Variants in ZBTB46 observed in about 807,000 individuals in gnomAD.
ZBTB46 encodes zinc finger and BTB domain containing 46, also known as zinc finger and BTB domain-containing protein 46.
ZBTB46 carries 8 observed loss-of-function variants against 44.1 expected under a neutral mutation model. The ratio of observed to expected loss-of-function variants is 0.18; its 90% CI spans 0.11 to 0.33. ZBTB46 has a LOEUF of 0.33. Among genes scored for constraint, ZBTB46 ranks in the 10% least tolerant of loss-of-function variants. The pLI is 1.00. For missense variants in ZBTB46, 651 were observed against 847.7 expected, an observed-to-expected ratio of 0.77 and a Z score of 2.88; for synonymous variants, 409 against 382.3, an observed-to-expected ratio of 1.07 and a Z score of -0.81.
chr20:63,762,683 A>ACAAAC (rs201220490), intron 3 of ZBTB46, among the ~76,000 whole-genome samples: 11 of 146,964 alleles, frequency 7.5e-5, no homozygotes, highest in Non-Finnish European at 1.0e-4. Context: ...CAAACAAAAA[A>ACAAAC]AAAACCAACT....
chr20:63,790,400 C>T lies in ZBTB46; in HGVS notation c.358G>A (p.Ala120Thr). Residue 120 changes from alanine (A) to threonine (T), a missense_variant, in exon 2 of 5, where the codon GCC becomes ACC. By Grantham distance (58) the Ala-to-Thr change is moderately conservative (BLOSUM62 0). Around this residue, in one of 5 missense-constraint regions of ZBTB46, gnomAD observed 385 missense variants for 423.3 expected, o/e 0.91. Transcript: ENST00000245663. ...GCCGCCTTGATGAAGTCGTGGCAGG[C>T]TTGCACGATGTCCGTCATCTGCAGG... ...SFLQMTDIVQ[A>T]CHDFIKAALD... 6.2e-7 allele frequency: 1 copy of T among 1,613,046 alleles called. No homozygotes were observed. The highest frequency in any genetic ancestry group is 8.5e-7 in the Non-Finnish European group (1 of 1,179,970).
In ZBTB46 at chr20:63,803,426, C is replaced by A. The variant is rs1011714442; in HGVS notation, c.-33-12636G>T. 8 of 985,292 alleles carry A rather than the reference C, an allele frequency of 8.1e-6. No individual in the cohort carries two copies. Among genetic ancestry groups the A allele is most frequent in the Admixed American group, 1.2e-4 (2 of 16,266 alleles). The allele number at this position is 985,292 out of a possible 1,614,324, so 61.0% of individuals were successfully genotyped here. A position where few individuals can be genotyped will look rare whatever the true frequency, so the allele number is the denominator to read the frequency against. ...TGTTAGCAGAGTCGTCTTTCGACAG[C>A]GAGACCGGTGGTACTATCCACATCA... On this transcript the variant is annotated intron_variant, in intron 1 of 4. Coordinates refer to ENST00000245663, the MANE Select transcript of ZBTB46 (RefSeq NM_001369741.1). The surrounding 1 kb of genome is among the most constrained non-coding windows in gnomAD (Gnocchi z 4.0).
chr20:63,756,826 TGGA>T (rs754255228), intron 3 of ZBTB46, among the ~76,000 whole-genome samples: 4 of 152,238 alleles, frequency 2.6e-5, no homozygotes, highest in Non-Finnish European at 5.9e-5. Flanking sequence ...CACTGCTGCC[TGGA>T]GGAGGATGTG....
chr20:63,804,807 G>A (rs191641430), intron 1 of ZBTB46, among the ~76,000 whole-genome samples: 244 of 151,720 alleles, frequency 1.6e-3, no homozygotes, highest in African/African-American at 4.5e-3. Context: ...CAGGAGAATC[G>A]CTATAACCTG....
chr20:63,807,848 G>T (rs1421069573), intron 1 of ZBTB46, among the ~76,000 whole-genome samples: 1 of 152,270 alleles, frequency 6.6e-6, no homozygotes, highest in Non-Finnish European at 1.5e-5. Context: ...CCCAGAGCGG[G>T]GCTCGCCCGG....
In ZBTB46 at chr20:63,747,387, G is replaced by GA. The variant is rs1568823533; in HGVS notation, c.1399-87_1399-86insT. The GA allele has an allele frequency of 3.7e-3, 1,970 of 538,276 alleles. 446 individuals are homozygous for GA. The highest frequency in any genetic ancestry group is 4.5e-3 in the Non-Finnish European group (1,890 of 424,360). 33.3% of individuals were successfully genotyped at this position (538,276 alleles called of 1,614,324 possible). ...GAGCAGGGCCTGGTGGAGGTGGGGG[G>GA]GGCAGGTGGTGAGCAGGGCCAGGTG... On this transcript the variant is annotated intron_variant, in intron 4 of 4. Transcript: ENST00000245663.
intron 4 of ZBTB46, among the ~76,000 whole-genome samples, chr20:63,749,190 G>A (rs1050187718): frequency 1.3e-5 from 2 of 152,220 alleles, no homozygotes; most frequent in African/African-American, 4.8e-5. Context: ...CCAGGGATGT[G>A]AGACCTTCAG....
chr20:63,813,376 G>A (rs1233754382), intron 1 of ZBTB46, among the ~76,000 whole-genome samples: 1 of 151,312 alleles, frequency 6.6e-6, no homozygotes, highest in Non-Finnish European at 1.5e-5. Context: ...TTGAACCCAG[G>A]AGGCAGAGGT....
intron 1 of ZBTB46, among the ~76,000 whole-genome samples, chr20:63,808,335 C>T (rs1487757202): frequency 6.6e-6 from 1 of 152,192 alleles, no homozygotes; most frequent in African/African-American, 2.4e-5. Context: ...GCCCTTGCCC[C>T]GGGGGCTGAG....
At chr20:63,797,854 G>C (rs1259702648) in intron 1 of ZBTB46, among the ~76,000 whole-genome samples, 1 of 152,084 alleles carries the variant, frequency 6.6e-6, no homozygotes, top group Admixed American at 6.6e-5. Flanking sequence ...GGGGTTGTTT[G>C]ATTTTTTCTT....
chr20:63,743,732 C>T lies in ZBTB46; in HGVS notation c.*3198G>A, dbSNP rs907553734. 6.6e-6 allele frequency: 1 copy of T among 152,386 alleles called. No homozygotes were observed. The highest frequency in any genetic ancestry group is 2.1e-4 in the South Asian group (1 of 4,828). The allele number at this position is 152,386 out of a possible 1,614,324, so 9.4% of individuals were successfully genotyped here. ...TTTGCAAGGATGTCTAAGCTAATCCCGTCACAGAAAGGAAACGCACAGGCG... is the reference window on the plus strand; with the variant it reads ...TTTGCAAGGATGTCTAAGCTAATCCTGTCACAGAAAGGAAACGCACAGGCG... On this transcript the variant is annotated 3_prime_UTR_variant, in exon 5 of 5. Coordinates refer to ENST00000245663, the MANE Select transcript of ZBTB46 (RefSeq NM_001369741.1).
intron 3 of ZBTB46, chr20:63,769,492 C>T (rs902704223): frequency 3.1e-6 from 3 of 963,462 alleles, no homozygotes; most frequent in Admixed American, 1.2e-4. Context: ...GGTGTGAGCC[C>T]GGTGATGCCC....
rs1472608194 is a variant in ZBTB46, at chr20:63,751,766, CCCCCCGGTGGGTCTCCCCATGAAGCCCCG to C, written c.1398+891_1398+919del. 1.3e-3 allele frequency among the ~76,000 whole-genome samples: 138 copies of C among 105,026 alleles called. 7 individuals carry two copies. The highest frequency in any genetic ancestry group is 4.3e-3 in the African/African-American group (97 of 22,592). The allele number at this position is 105,026 out of a possible 152,430, so 68.9% of individuals were successfully genotyped here. ...CCGGTGGGTCTCCCATGAAGCCCCG[CCCCCCGGTGGGTCTCCCCATGAAGCCCCG>C]CCCCCGGTGGGTCTCCCCATGAAGC... On this transcript the variant is annotated intron_variant, in intron 4 of 4. Coordinates refer to ENST00000245663, the MANE Select transcript of ZBTB46 (RefSeq NM_001369741.1).
chr20:63,749,422 C>T (rs545819657), intron 4 of ZBTB46, among the ~76,000 whole-genome samples: 67 of 152,290 alleles, frequency 4.4e-4, no homozygotes, highest in Non-Finnish European at 7.3e-4. Context: ...CTGCCAGCTC[C>T]GCCTCCCGGG....
chr20:63,781,673 T>A (rs1023182635), intron 2 of ZBTB46, among the ~76,000 whole-genome samples: 3 of 151,788 alleles, frequency 2.0e-5, no homozygotes, highest in Admixed American at 6.6e-5. Flanking sequence ...GTGATTGTAA[T>A]CCCAGGTACT....
rs2092294284 is a variant in ZBTB46 at position 63,763,504 on chromosome 20, G to A, written c.1223-10643C>T. ...CGAAGAGGGAGCGAGCGTTTCACAG[G>A]ACAGGAGCAGGAGCAAGACGGAGGG... is the stretch of plus-strand genomic sequence containing the variant. On this transcript the variant is annotated intron_variant, in intron 3 of 4. Transcript: ENST00000245663. Among the ~76,000 whole-genome samples, 2 of 152,166 alleles carry A rather than the reference G, an allele frequency of 1.3e-5. 1 individual carries two copies. The highest frequency in any genetic ancestry group is 1.3e-4 in the Admixed American group (2 of 15,274).
intron 3 of ZBTB46, among the ~76,000 whole-genome samples, chr20:63,763,168 G>A (rs2092291742): frequency 6.6e-6 from 1 of 151,940 alleles, no homozygotes; most frequent in Non-Finnish European, 1.5e-5. Context: ...CCAATAAATA[G>A]TTTTTAAAAA....
chr20:63,763,904 T>C (rs2145812361), intron 3 of ZBTB46, among the ~76,000 whole-genome samples: 1 of 152,330 alleles, frequency 6.6e-6, no homozygotes, highest in South Asian at 2.1e-4. Flanking sequence ...AATTGTTGCT[T>C]TAAACAATCA....
intron 1 of ZBTB46, among the ~76,000 whole-genome samples, chr20:63,792,602 C>T (rs1180423880): frequency 6.6e-6 from 1 of 152,100 alleles, no homozygotes; most frequent in African/African-American, 2.4e-5. Flanking sequence ...CTGCAAGCTC[C>T]GCTCCCAGGT....
Sources: allele counts gnomAD v4.1 joint callset (sites outside exome capture counted in the v4.1 genomes callset), GRCh38; gene constraint gnomAD v4.1.1; regional missense constraint gnomAD v4.1.1; non-coding constraint Gnocchi (gnomAD v3.1); transcripts MANE v1.5; gene names NCBI Gene and HGNC (gene_info 2026-07-23, HGNC 2026-07-21).